CRTC3: variants seen among roughly 807,000 people sequenced by gnomAD.
CRTC3 encodes the protein CREB regulated transcription coactivator 3.
A neutral mutation model predicts 74.5 loss-of-function variants in CRTC3; 26 were observed. That is an observed-to-expected ratio of 0.35 (90% CI 0.26 to 0.48). The LOEUF (loss-of-function observed/expected upper bound fraction) is 0.48, where lower values mean the gene tolerates loss of function less well. Ranked by LOEUF, CRTC3 falls within the 20% of genes least tolerant of loss-of-function variation. The pLI, the probability that CRTC3 is intolerant of heterozygous loss-of-function variation, is 0.99. For synonymous variants in CRTC3, 377 were observed against 325.8 expected, an observed-to-expected ratio of 1.16 and a Z score of -1.69; for missense variants, 760 against 787.3, an observed-to-expected ratio of 0.97 and a Z score of 0.41.
chr15:90,532,255 T>C (rs1966639959), intron 1 of CRTC3, among the ~76,000 whole-genome samples: 1 of 152,224 alleles, frequency 6.6e-6, no homozygotes, highest in Non-Finnish European at 1.5e-5. Flanking sequence ...TGTTTGCTTA[T>C]TTAAAAATCT....
At chr15:90,531,339 G>C (rs1220021469) in intron 1 of CRTC3, among the ~76,000 whole-genome samples, 2 of 152,054 alleles carry the variant, frequency 1.3e-5, no homozygotes, top group South Asian at 2.1e-4. Flanking sequence ...GCTGGAGCTG[G>C]GTGATGATGA....
At chr15:90,590,423 C>G (rs1473281485) in intron 2 of CRTC3, among the ~76,000 whole-genome samples, 1 of 151,770 alleles carries the variant, frequency 6.6e-6, no homozygotes, top group Non-Finnish European at 1.5e-5. Flanking sequence ...TTGAGTGGCA[C>G]GTAGTATTTC....
chr15:90,603,299 C>A (rs6496707), intron 4 of CRTC3, among the ~76,000 whole-genome samples: 1 of 147,720 alleles, frequency 6.8e-6, no homozygotes, highest in South Asian at 2.2e-4. Flanking sequence ...AAAAAGTAGC[C>A]GGGCGTGGTG....
intron 5 of CRTC3, 67 bp from the exon 6 acceptor site, chr15:90,607,311 A>G (rs1968248002): frequency 3.3e-6 from 3 of 913,762 alleles, no homozygotes; most frequent in Non-Finnish European, 5.3e-6. Flanking sequence ...GTAATATTCA[A>G]CAAAGACTAT....
At chr15:90,612,355 G>T (rs1227179084) in intron 6 of CRTC3, among the ~76,000 whole-genome samples, 1 of 151,944 alleles carries the variant, frequency 6.6e-6, no homozygotes, top group Non-Finnish European at 1.5e-5. Context: ...TTGGCTGTTG[G>T]TTATCCTCTT....
chr15:90,627,422 A>G (rs536527098), intron 10 of CRTC3, among the ~76,000 whole-genome samples: 2 of 152,214 alleles, frequency 1.3e-5, no homozygotes, highest in South Asian at 4.1e-4. Flanking sequence ...TCCTCAATGT[A>G]TGAAGATATC....
chr15:90,630,756 A>ATTTTTTTTTTTTTTTT (rs1175467073), intron 11 of CRTC3, among the ~76,000 whole-genome samples: 1 of 23,654 alleles, frequency 4.2e-5, no homozygotes, highest in African/African-American at 1.1e-4. Flanking sequence ...TTACAGCATC[A>ATTTTTTTTTTTTTTTT]TTTTTTTTTT....
intron 2 of CRTC3, among the ~76,000 whole-genome samples, chr15:90,562,630 C>T (rs1296554988): frequency 6.6e-6 from 1 of 152,190 alleles, no homozygotes; most frequent in Non-Finnish European, 1.5e-5. Context: ...TGCTTATTCA[C>T]TCCCCCGGCC....
At position 90,630,334 on chromosome 15, in the gene CRTC3, T is replaced by A. The variant is rs187648992; in HGVS notation, c.1266+802T>A. 4.7e-3 allele frequency among the ~76,000 whole-genome samples: 713 copies of A among 152,352 alleles called. 3 individuals carry two copies. Among genetic ancestry groups the A allele is most frequent in the African/African-American group, 0.016 (677 of 41,582 alleles). On this transcript the variant is annotated intron_variant, in intron 11 of 14. Coordinates refer to ENST00000268184, the MANE Select transcript of CRTC3 (RefSeq NM_022769.5). ...CCTCTTCCCTAATTGTCTACAGATT[T>A]GAGAAACAATACTTTTATTGTTCAT...
intron 2 of CRTC3, among the ~76,000 whole-genome samples, chr15:90,577,187 T>A (rs953777299): frequency 6.6e-6 from 1 of 152,184 alleles, no homozygotes; most frequent in Non-Finnish European, 1.5e-5. Flanking sequence ...ATTACCATTA[T>A]AAGTGCTGGG....
Position 90,641,115 on chromosome 15 carries a change from G to A in CRTC3, c.1567G>A (p.Gly523Ser). The A allele has an allele frequency of 6.2e-7, 1 of 1,613,860 alleles. No homozygotes were observed. The highest frequency in any genetic ancestry group is 8.5e-7 in the Non-Finnish European group (1 of 1,179,828). Residue 523 changes from glycine to serine, a missense_variant, in exon 14 of 15, where the codon GGT becomes AGT. Transcript: ENST00000268184. ...FPQQVPLVQQ[G>S]SRELQDSFHL... is the part of the protein sequence containing the mutation. ...CTTCCAGGTGCCTCTGGTGCAACAA[G>A]GTTCCCGAGAACTGCAGGACTCTTT...
intron 9 of CRTC3, 63 bp downstream of exon 9, chr15:90,619,853 C>T (rs1968595510): frequency 2.9e-6 from 4 of 1,372,310 alleles, no homozygotes; most frequent in Middle Eastern, 1.8e-4. Context: ...CCAAAAGTCT[C>T]GCTGCTTTGT....
At chr15:90,579,312 A>G (rs1445852226) in intron 2 of CRTC3, among the ~76,000 whole-genome samples, 1 of 152,098 alleles carries the variant, frequency 6.6e-6, no homozygotes, top group Non-Finnish European at 1.5e-5. Flanking sequence ...CCCCCTGCGT[A>G]CTGAGGGACA....
chr15:90,636,650 T>C (rs1341684160), intron 11 of CRTC3, among the ~76,000 whole-genome samples: 1 of 152,044 alleles, frequency 6.6e-6, no homozygotes, highest in Non-Finnish European at 1.5e-5. Context: ...ATTTTTGCAA[T>C]CTACTCATCT....
intron 6 of CRTC3, among the ~76,000 whole-genome samples, chr15:90,607,845 A>G (rs1968265099): frequency 6.6e-6 from 1 of 152,228 alleles, no homozygotes; most frequent in Non-Finnish European, 1.5e-5. Context: ...GGATCTGAAC[A>G]AACTGAGAAA....
intron 6 of CRTC3, among the ~76,000 whole-genome samples, chr15:90,612,420 C>A (rs1968385262): frequency 6.6e-6 from 1 of 152,170 alleles, no homozygotes; most frequent in East Asian, 1.9e-4. Flanking sequence ...CTCCATGAAG[C>A]CTTCCTTCTG....
rs763025184 is a variant in CRTC3 at position 90,617,874 on chromosome 15, T to C, written c.614-9T>C. On this transcript the variant is annotated splice_polypyrimidine_tract_variant and intron_variant, in intron 7 of 14. Coordinates refer to ENST00000268184, the MANE Select transcript of CRTC3 (RefSeq NM_022769.5). ...TGCAATGACTGTGCTGCTTTTTTTT[T>C]CCCTTTAGTAGCATCTTTCCCTGGC... 2.8e-5 allele frequency: 45 copies of C among 1,599,796 alleles called. 2 individuals carry two copies. The highest frequency in any genetic ancestry group is 3.1e-5 in the Non-Finnish European group (36 of 1,167,342).
At chr15:90,591,768 G>T (rs892596117) in intron 2 of CRTC3, among the ~76,000 whole-genome samples, 9 of 152,210 alleles carry the variant, frequency 5.9e-5, no homozygotes, top group African/African-American at 2.2e-4. Context: ...CTGCACTCCA[G>T]CCTGGGCAAC....
At chr15:90,619,836 GTTT>G (rs1968595024) in intron 9 of CRTC3, 46 bp downstream of exon 9, 1 of 1,512,244 alleles carries the variant, frequency 6.6e-7, no homozygotes, top group Admixed American at 1.7e-5. Flanking sequence ...TATCCTGAAG[GTTT>G]TTCCCAAAAG....
Sources: gnomAD v4.1 joint callset for allele counts (sites outside exome capture counted in the v4.1 genomes callset) on GRCh38, gnomAD v4.1.1 for gene constraint, MANE v1.5 for transcripts, NCBI Gene and HGNC (gene_info 2026-07-23, HGNC 2026-07-21) for gene names.